RHBDL3: variants seen among roughly 807,000 people sequenced by gnomAD.
RHBDL3 encodes rhomboid-related protein 3.
Under a neutral mutation model 48.2 loss-of-function variants are expected in RHBDL3, and 28 were observed. The ratio of observed to expected loss-of-function variants is 0.58; its 90% CI spans 0.43 to 0.80. RHBDL3 has a LOEUF of 0.80. Ranked by LOEUF, RHBDL3 falls within the 30% of genes least tolerant of loss-of-function variation. The probability of loss-of-function intolerance (pLI) is 0.00; values close to 1 mark genes in which losing one functional copy is unlikely to be tolerated. For synonymous variants in RHBDL3, 208 were observed against 232.3 expected (o/e 0.90, Z 0.95); for missense variants, 464 against 542.7 (o/e 0.85, Z 1.44).
At position 32,314,740 on chromosome 17, in the gene RHBDL3, G is replaced by T. The variant is rs527290303; in HGVS notation, c.883-1492G>T. ...CATCCTAGGGTTTCAGCTTGAAGAG[G>T]GGGCTGCGGTGCCCACCATCTGCTA... On this transcript the variant is annotated intron_variant, in intron 7 of 8. Transcript: ENST00000269051. Among the ~76,000 whole-genome samples the T allele has an allele frequency of 2.6e-5, 4 of 152,280 alleles. No individual in the cohort carries two copies. The South Asian group carries it at 8.3e-4, about 32-fold the overall frequency.
chr17:32,294,940 C>T (rs1197312252), intron 5 of RHBDL3, among the ~76,000 whole-genome samples: 1 of 152,236 alleles, frequency 6.6e-6, no homozygotes, highest in Non-Finnish European at 1.5e-5. Context: ...GGCTGCAGCA[C>T]AATCGGTTCT....
chr17:32,298,048 A>G (rs2040494238), intron 5 of RHBDL3, 44 bp from the exon 6 acceptor site: 2 of 1,320,558 alleles, frequency 1.5e-6, no homozygotes, highest in Admixed American at 1.7e-5. Context: ...GAATGAATGA[A>G]TGAATGAATA....
intron 8 of RHBDL3, among the ~76,000 whole-genome samples, chr17:32,319,369 C>G (rs2041054645): frequency 1.4e-5 from 2 of 144,964 alleles, no homozygotes; most frequent in Admixed American, 1.5e-4. Context: ...TTGCAGTGAG[C>G]CGAGATCGCG....
intron 2 of RHBDL3, among the ~76,000 whole-genome samples, chr17:32,271,066 A>G (rs1370988618): frequency 1.3e-5 from 2 of 152,164 alleles, no homozygotes; most frequent in Non-Finnish European, 2.9e-5. Flanking sequence ...TTGTTAAAGA[A>G]AAAAGTCTTA....
rs759837324 is a variant in RHBDL3 at position 32,294,324 on chromosome 17, C to G, written c.550C>G (p.Leu184Val). Residue 184 changes from leucine to valine, a missense_variant, in exon 5 of 9, where the codon CTA becomes GTA. Coordinates refer to ENST00000269051, the MANE Select transcript of RHBDL3 (RefSeq NM_138328.3). ...VAFFLYNGVS[L>V]GQFVLQVTHP... ...CTTTTTCCTCTACAATGGGGTGTCA[C>G]TAGGTCAATTTGTACTGCAGGTAAC... 8.7e-6 allele frequency: 14 copies of G among 1,613,892 alleles called. No individual in the cohort carries two copies. The highest frequency in any genetic ancestry group is 1.1e-5 in the Non-Finnish European group (13 of 1,179,976).
chr17:32,307,924 T>C (rs896016014), intron 7 of RHBDL3, among the ~76,000 whole-genome samples: 2 of 151,960 alleles, frequency 1.3e-5, no homozygotes, highest in Non-Finnish European at 2.9e-5. Flanking sequence ...TGTATGTGTG[T>C]AGGGGTGGTG....
chr17:32,267,784 T>C (rs1179981220), intron 1 of RHBDL3, 118 bp from the exon 2 acceptor site: 20 of 1,537,426 alleles, frequency 1.3e-5, no homozygotes, highest in Non-Finnish European at 1.8e-5. Flanking sequence ...TCATGACTCC[T>C]GGGCAGCCGC....
intron 6 of RHBDL3, among the ~76,000 whole-genome samples, chr17:32,302,953 C>T (rs1456652862): frequency 6.6e-6 from 1 of 152,186 alleles, no homozygotes; most frequent in Non-Finnish European, 1.5e-5. Context: ...AGTTTTGCTG[C>T]TCAAAAGTCA....
At chr17:32,279,466 C>T (rs7211195) in intron 2 of RHBDL3, among the ~76,000 whole-genome samples, 2,049 of 152,252 alleles carry the variant, frequency 0.013, 51 homozygotes, top group African/African-American at 0.046. Flanking sequence ...CCTCCTGCTC[C>T]GTGATTTCTG....
intron 4 of RHBDL3, among the ~76,000 whole-genome samples, chr17:32,292,489 C>A (rs536098604): frequency 8.6e-5 from 13 of 152,040 alleles, no homozygotes; most frequent in African/African-American, 3.1e-4. Context: ...AAGTGTCCAT[C>A]GGTAGATGAA....
At chr17:32,285,735 A>T (rs774295878) in intron 3 of RHBDL3, among the ~76,000 whole-genome samples, 1 of 152,132 alleles carries the variant, frequency 6.6e-6, no homozygotes, top group African/African-American at 2.4e-5. Context: ...GGAGCTGGTC[A>T]CCTCTCTTCA....
At chr17:32,276,346 C>A (rs1195089100) in intron 2 of RHBDL3, among the ~76,000 whole-genome samples, 1 of 152,148 alleles carries the variant, frequency 6.6e-6, no homozygotes, top group African/African-American at 2.4e-5. Context: ...GAATTAGCAT[C>A]CTCATTTGCA....
chr17:32,280,144 A>T (rs2040008626), intron 2 of RHBDL3, among the ~76,000 whole-genome samples: 1 of 152,144 alleles, frequency 6.6e-6, no homozygotes, highest in Non-Finnish European at 1.5e-5. Context: ...CCTCCAAGGC[A>T]CTGAGCCCTA....
chr17:32,296,301 G>C (rs2040446855), intron 5 of RHBDL3, among the ~76,000 whole-genome samples: 1 of 146,742 alleles, frequency 6.8e-6, no homozygotes, highest in Non-Finnish European at 1.5e-5. Context: ...CCATATCCTA[G>C]TCCTGAGGGT....
chr17:32,280,202 G>T (rs1567765631), intron 2 of RHBDL3, among the ~76,000 whole-genome samples: 1 of 152,150 alleles, frequency 6.6e-6, no homozygotes. Context: ...GCTCCCTGCT[G>T]GGCCCCTACG....
chr17:32,265,979 G>T lies in RHBDL3; in HGVS notation c.-211G>T, dbSNP rs2039617823. ...GGCAGCTAGCGCAGTGAAGTTTGGC[G>T]GCGGAGGGGCCGGGCGTCCCGGGGT... On this transcript the variant is annotated 5_prime_UTR_variant, in exon 1 of 9. Transcript: ENST00000269051. Among the ~76,000 whole-genome samples the T allele has an allele frequency of 6.8e-6, 1 of 146,718 alleles. No individual in the cohort carries two copies. Among genetic ancestry groups the T allele is most frequent in the South Asian group, 2.1e-4 (1 of 4,816 alleles).
intron 7 of RHBDL3, among the ~76,000 whole-genome samples, chr17:32,306,851 G>A (rs1028182870): frequency 1.6e-4 from 24 of 152,142 alleles, no homozygotes; most frequent in African/African-American, 5.8e-4. Context: ...AGCCTGGGAA[G>A]CAGAGGTTAC....
At chr17:32,310,226 C>A (rs2040811275) in intron 7 of RHBDL3, among the ~76,000 whole-genome samples, 1 of 152,128 alleles carries the variant, frequency 6.6e-6, no homozygotes, top group South Asian at 2.1e-4. Context: ...CAAACTGAAC[C>A]ACATTGTCAA....
At chr17:32,267,282 C>T (rs1597601021) in intron 1 of RHBDL3, among the ~76,000 whole-genome samples, 1 of 152,254 alleles carries the variant, frequency 6.6e-6, no homozygotes, top group South Asian at 2.1e-4. Flanking sequence ...ATGTAGTCAC[C>T]ACTTAGACTC....
Sources: allele counts gnomAD v4.1 joint callset (sites outside exome capture counted in the v4.1 genomes callset), GRCh38; gene constraint gnomAD v4.1.1; transcripts MANE v1.5; gene names NCBI Gene and HGNC (gene_info 2026-07-23, HGNC 2026-07-21).